MSH3: variants seen among roughly 807,000 people sequenced by gnomAD.
MSH3 encodes the protein DNA mismatch repair protein Msh3.
Under a neutral mutation model 123.3 loss-of-function variants are expected in MSH3, and 106 were observed. The observed-to-expected ratio is 0.86, with a 90% confidence interval of 0.73 to 1.01. MSH3 has a LOEUF of 1.01. MSH3 is among the 50% of genes least tolerant of loss of function. The pLI is 0.00. For missense variants in MSH3, 1,459 were observed against 1,347.6 expected, an observed-to-expected ratio of 1.08 and a Z score of -1.29; for synonymous variants, 515 against 481.4, an observed-to-expected ratio of 1.07 and a Z score of -0.91.
At chr5:80,830,297 GT>G (rs1174149617) in intron 20 of MSH3, among the ~76,000 whole-genome samples, 1 of 151,882 alleles carries the variant, frequency 6.6e-6, no homozygotes, top group Non-Finnish European at 1.5e-5. Flanking sequence ...CCTGTTTCTG[GT>G]TTGCCCTTGA....
chr5:80,734,522 A>G (rs1342655934), intron 10 of MSH3, among the ~76,000 whole-genome samples: 2 of 152,160 alleles, frequency 1.3e-5, no homozygotes, highest in South Asian at 4.1e-4. Flanking sequence ...GAGATTGAAA[A>G]ATCTTTGTCT....
At chr5:80,837,961 G>A (rs1465994000) in intron 20 of MSH3, among the ~76,000 whole-genome samples, 1 of 152,188 alleles carries the variant, frequency 6.6e-6, no homozygotes, top group African/African-American at 2.4e-5. Context: ...CTGTAGGCTG[G>A]GGACTGCTCT....
Position 80,751,398 on chromosome 5 carries a change from G to A in MSH3, c.1763+6783G>A, listed in dbSNP as rs79433467. 8.0e-3 allele frequency among the ~76,000 whole-genome samples: 1,224 copies of A among 152,212 alleles called. 18 individuals are homozygous for A. The highest frequency in any genetic ancestry group is 0.028 in the African/African-American group (1,181 of 41,538). On this transcript the variant is annotated intron_variant, in intron 12 of 23. Coordinates refer to ENST00000265081, the MANE Select transcript of MSH3 (RefSeq NM_002439.5). ...CAACTATCTGATTTTCGACAAACCCGATACAAACAAGCAATGGGGAAAGGA... is the reference window on the plus strand; with the variant it reads ...CAACTATCTGATTTTCGACAAACCCAATACAAACAAGCAATGGGGAAAGGA...
At position 80,778,024 on chromosome 5, in the gene MSH3, C is replaced by T. The variant is rs557914392; in HGVS notation, c.2319-696C>T. On this transcript the variant is annotated intron_variant, in intron 16 of 23. Transcript: ENST00000265081. ...TTTAGAGAAGGTCTGTTTCATTTGCCCCAAATCACATAGCTAGTAAGTAAG... is the reference window on the plus strand; with the variant it reads ...TTTAGAGAAGGTCTGTTTCATTTGCTCCAAATCACATAGCTAGTAAGTAAG... 9.9e-5 allele frequency among the ~76,000 whole-genome samples: 15 copies of T among 152,210 alleles called. No homozygotes were observed. In the East Asian group the frequency reaches 2.1e-3, roughly 22 times the overall value.
rs139669244 is a variant in MSH3, at chr5:80,738,786, A to G, written c.1569-2678A>G. 5.0e-3 allele frequency among the ~76,000 whole-genome samples: 762 copies of G among 152,326 alleles called. 7 individuals carry two copies. The highest frequency in any genetic ancestry group is 0.018 in the African/African-American group (729 of 41,564). On this transcript the variant is annotated intron_variant, in intron 10 of 23. Transcript: ENST00000265081. The stretch of plus-strand genomic sequence containing the variant: ...TGCCCTTCAAAATTCACATGTTGAA[A>G]CCTAATGACTACTGTGGATATATTA...
At chr5:80,778,953 G>T in intron 17 of MSH3, 117 bp downstream of exon 17, 1 of 664,670 alleles carries the variant, frequency 1.5e-6, no homozygotes, top group Non-Finnish European at 2.7e-6. Flanking sequence ...TAAAATAGTT[G>T]AGTACATGTG....
intron 8 of MSH3, among the ~76,000 whole-genome samples, chr5:80,682,903 A>G (rs1053075772): frequency 6.6e-6 from 1 of 151,968 alleles, no homozygotes; most frequent in African/African-American, 2.4e-5. Context: ...CTCTATCTCC[A>G]TGAGTTCAGT....
rs1749208942 is a variant in MSH3 at position 80,654,903 on chromosome 5, CGGCCG to C, written c.177_181del (p.Ala60SerfsTer23). 6.5e-7 allele frequency: 1 copy of C among 1,535,958 alleles called. No individual in the cohort carries two copies. Among genetic ancestry groups the C allele is most frequent in the African/African-American group, 1.6e-5 (1 of 64,156 alleles). On this transcript the variant is annotated frameshift_variant, in exon 1 of 24. Transcript: ENST00000265081. LOFTEE classifies it high-confidence loss of function. Reference sequence around the variant, plus strand: ...GCTGCAGCGGCTGCAGCGGCCGCAGCGGCCGCAGCGCCCCCAGCGCCCCCAGCTCC... The same window carrying C: ...GCTGCAGCGGCTGCAGCGGCCGCAGCCAGCGCCCCCAGCGCCCCCAGCTCC...
chr5:80,767,255 T>G (rs1561471042), intron 13 of MSH3, among the ~76,000 whole-genome samples: 4 of 152,172 alleles, frequency 2.6e-5, no homozygotes, highest in Non-Finnish European at 5.9e-5. Flanking sequence ...AAGTGGTGCT[T>G]ATTCAAAGGG....
chr5:80,798,084 GACAGCTTC>G, intron 19 of MSH3, among the ~76,000 whole-genome samples: 1 of 151,096 alleles, frequency 6.6e-6, no homozygotes, highest in East Asian at 2.0e-4. Context: ...AAGAGTGGTT[GACAGCTTC>G]TCAGTTTGTT....
At position 80,768,845 on chromosome 5, in the gene MSH3, A is replaced by G. The variant is rs2112885099; in HGVS notation, c.2095A>G (p.Lys699Glu). 1 of 1,606,582 alleles carries G rather than the reference A, an allele frequency of 6.2e-7. No individual in the cohort carries two copies. The highest frequency in any genetic ancestry group is 8.5e-7 in the Non-Finnish European group (1 of 1,174,066). ...GTTTTGATTTTTTAGAGTTGGGGAT[A>G]AAACTGAATTATTTAAAGACCTTTC... is the stretch of plus-strand genomic sequence containing the variant. ...LNEQAAKVGD[K>E]TELFKDLSDF... The change falls in exon 15 of 24, where the codon AAA becomes GAA. Residue 699 changes from lysine to glutamate, a missense_variant. By Grantham distance (56) the Lys-to-Glu change is moderately conservative. Coordinates refer to ENST00000265081, the MANE Select transcript of MSH3 (RefSeq NM_002439.5).
intron 3 of MSH3, among the ~76,000 whole-genome samples, chr5:80,669,273 C>T (rs1036041926): frequency 1.3e-5 from 2 of 152,038 alleles, no homozygotes; most frequent in African/African-American, 4.8e-5. Flanking sequence ...CTCACTCTCC[C>T]CTCTTCTTTT....
chr5:80,761,819 T>C, intron 13 of MSH3, 141 bp downstream of exon 13: 3 of 947,480 alleles, frequency 3.2e-6, no homozygotes, highest in Non-Finnish European at 4.8e-6. Context: ...AGCTGAATCC[T>C]CAGAAATTTT....
intron 20 of MSH3, among the ~76,000 whole-genome samples, chr5:80,827,688 T>G (rs1298760987): frequency 6.6e-6 from 1 of 152,228 alleles, no homozygotes; most frequent in Non-Finnish European, 1.5e-5. Flanking sequence ...CAAACACTAG[T>G]TATCTTATTT....
At chr5:80,663,571 G>A (rs1249668649) in intron 2 of MSH3, among the ~76,000 whole-genome samples, 2 of 151,590 alleles carry the variant, frequency 1.3e-5, no homozygotes, top group African/African-American at 4.9e-5. Flanking sequence ...ATGTCTATAG[G>A]AGGGAAACTC....
chr5:80,697,966 G>A (rs911222081), intron 8 of MSH3, among the ~76,000 whole-genome samples: 5 of 152,016 alleles, frequency 3.3e-5, no homozygotes, highest in African/African-American at 1.2e-4. Context: ...GGAGTATGGT[G>A]GCACCATCGT....
intron 8 of MSH3, among the ~76,000 whole-genome samples, chr5:80,720,618 G>A (rs1030906604): frequency 6.6e-6 from 1 of 151,772 alleles, no homozygotes; most frequent in Non-Finnish European, 1.5e-5. Context: ...AATCCAATTT[G>A]TTTTCTTAAT....
intron 8 of MSH3, among the ~76,000 whole-genome samples, chr5:80,697,693 G>A (rs1157485450): frequency 6.6e-6 from 1 of 151,996 alleles, no homozygotes; most frequent in Non-Finnish European, 1.5e-5. Flanking sequence ...GTATAAGTGG[G>A]ACCATTGTTT....
At chr5:80,773,587 C>G (rs985345394) in intron 15 of MSH3, among the ~76,000 whole-genome samples, 1 of 152,104 alleles carries the variant, frequency 6.6e-6, no homozygotes, top group African/African-American at 2.4e-5. Flanking sequence ...CATGTTGATA[C>G]TGTTATTAAT....
Sources: gnomAD v4.1 joint callset for allele counts (sites outside exome capture counted in the v4.1 genomes callset) on GRCh38, gnomAD v4.1.1 for gene constraint, MANE v1.5 for transcripts, NCBI Gene and HGNC (gene_info 2026-07-23, HGNC 2026-07-21) for gene names.